Variants in PRKN observed in about 807,000 individuals in gnomAD.
The protein encoded by PRKN is parkin RBR E3 ubiquitin protein ligase.
Under a neutral mutation model 59.5 loss-of-function variants are expected in PRKN, and 56 were observed. That is an observed-to-expected ratio of 0.94 (90% CI 0.76 to 1.18). The LOEUF is 1.18. Ranked by LOEUF, PRKN falls within the 50% of genes most tolerant of loss-of-function variation. The pLI is 0.00. For synonymous variants in PRKN, 250 were observed against 222.1 expected, an observed-to-expected ratio of 1.13 and a Z score of -1.12; for missense variants, 657 against 596.4, an observed-to-expected ratio of 1.10 and a Z score of -1.06.
At chr6:162,501,315 T>C (rs992769670) in intron 1 of PRKN, among the ~76,000 whole-genome samples, 1 of 151,840 alleles carries the variant, frequency 6.6e-6, no homozygotes, top group Admixed American at 6.6e-5. Flanking sequence ...GAAATCCATA[T>C]CTTTAAACTT....
At chr6:161,522,826 C>T (rs773770818) in intron 9 of PRKN, among the ~76,000 whole-genome samples, 77 of 152,184 alleles carry the variant, frequency 5.1e-4, no homozygotes, top group Non-Finnish European at 9.4e-4. Context: ...CTATCTCAAT[C>T]CCATCACAAA....
At chr6:162,011,484 T>TAA (rs1258826580) in intron 5 of PRKN, among the ~76,000 whole-genome samples, 1 of 15,820 alleles carries the variant, frequency 6.3e-5, no homozygotes, top group Non-Finnish European at 1.1e-4. Context: ...TAATATATTA[T>TAA]AATATATATA....
intron 2 of PRKN, among the ~76,000 whole-genome samples, chr6:162,303,498 G>A (rs933634784): frequency 2.7e-4 from 41 of 151,996 alleles, no homozygotes; most frequent in African/African-American, 9.7e-4. Context: ...TGAACTTCTT[G>A]TTCATAAATT....
intron 6 of PRKN, among the ~76,000 whole-genome samples, chr6:161,915,583 G>A (rs112441788): frequency 0.013 from 1,957 of 152,250 alleles, 42 homozygotes; most frequent in African/African-American, 0.043. Flanking sequence ...TCTGCTATGC[G>A]TGAGTGACAT....
intron 9 of PRKN, among the ~76,000 whole-genome samples, chr6:161,465,145 G>A (rs961268357): frequency 2.0e-5 from 3 of 152,294 alleles, no homozygotes; most frequent in Non-Finnish European, 2.9e-5. Flanking sequence ...CTTTCATACC[G>A]TCGAGACTGG....
At chr6:161,849,361 G>C (rs1022040959) in intron 6 of PRKN, among the ~76,000 whole-genome samples, 3 of 151,976 alleles carry the variant, frequency 2.0e-5, no homozygotes, top group African/African-American at 7.3e-5. Context: ...AATGTTTCCT[G>C]CTTATTTCTA....
intron 1 of PRKN, among the ~76,000 whole-genome samples, chr6:162,718,955 C>A (rs1445091692): frequency 1.3e-5 from 2 of 152,134 alleles, no homozygotes; most frequent in African/African-American, 4.8e-5. Flanking sequence ...CACACATACA[C>A]ACACACACAC....
At chr6:161,959,262 T>G (rs908008485) in intron 6 of PRKN, among the ~76,000 whole-genome samples, 3 of 152,162 alleles carry the variant, frequency 2.0e-5, no homozygotes, top group African/African-American at 7.2e-5. Context: ...TGGCCTCTGC[T>G]GTCAGCATCG....
At chr6:162,242,680 C>T (rs1779030577) in intron 3 of PRKN, among the ~76,000 whole-genome samples, 1 of 152,128 alleles carries the variant, frequency 6.6e-6, no homozygotes, top group South Asian at 2.1e-4. Context: ...GGCAGTGAAA[C>T]AACTTTGAGG....
At chr6:162,646,480 C>A (rs559527305) in intron 1 of PRKN, among the ~76,000 whole-genome samples, 2 of 151,854 alleles carry the variant, frequency 1.3e-5, no homozygotes, top group South Asian at 2.1e-4. Context: ...ATGCAGGTCT[C>A]GATATGTTGC....
At chr6:162,196,653 G>A (rs756630377) in intron 4 of PRKN, among the ~76,000 whole-genome samples, 2 of 152,138 alleles carry the variant, frequency 1.3e-5, no homozygotes, top group Non-Finnish European at 2.9e-5. Context: ...ATTTGAGTCC[G>A]GGTTGGTTCT....
At chr6:161,883,629 A>AT (rs1795024955) in intron 6 of PRKN, among the ~76,000 whole-genome samples, 1 of 151,962 alleles carries the variant, frequency 6.6e-6, no homozygotes, top group Non-Finnish European at 1.5e-5. Flanking sequence ...TCATAAAATG[A>AT]TTTTTTATTA....
chr6:162,192,781 C>T (rs948483309), intron 4 of PRKN, among the ~76,000 whole-genome samples: 11 of 152,092 alleles, frequency 7.2e-5, no homozygotes, highest in Non-Finnish European at 1.5e-4. Context: ...CTTTTAACTT[C>T]CTGCCCACAA....
At chr6:161,531,107 C>A (rs888553777) in intron 9 of PRKN, among the ~76,000 whole-genome samples, 12 of 152,038 alleles carry the variant, frequency 7.9e-5, no homozygotes, top group African/African-American at 2.7e-4. Flanking sequence ...CAAGGCCGGG[C>A]GCGGTGGCTC....
chr6:161,392,066 T>G (rs1353189909), intron 9 of PRKN, among the ~76,000 whole-genome samples: 1 of 151,982 alleles, frequency 6.6e-6, no homozygotes, highest in East Asian at 2.0e-4. Flanking sequence ...GCTGGTCTGG[T>G]CTCTCTGGTG....
intron 9 of PRKN, among the ~76,000 whole-genome samples, chr6:161,512,061 C>T (rs1468972295): frequency 6.6e-6 from 1 of 152,154 alleles, no homozygotes; most frequent in Non-Finnish European, 1.5e-5. Context: ...GCCAAAGTGA[C>T]AAAAATTATA....
At chr6:161,674,466 C>T (rs1373044265) in intron 7 of PRKN, among the ~76,000 whole-genome samples, 8 of 152,074 alleles carry the variant, frequency 5.3e-5, no homozygotes, top group Admixed American at 5.2e-4. Flanking sequence ...ATTATGTTTC[C>T]TTTATTTTAA....
rs766949960 is a variant in PRKN, at chr6:161,352,755, G to GTGTGTATATATATATATA, written c.1286-2545_1286-2544insTATATATATATATACACA. Among the ~76,000 whole-genome samples the GTGTGTATATATATATATA allele has an allele frequency of 1.8e-3, 242 of 134,336 alleles. 1 individual carries two copies. The highest frequency in any genetic ancestry group is 6.5e-3 in the African/African-American group (232 of 35,746). The allele number at this position is 134,336 out of a possible 152,430, so 88.1% of individuals were successfully genotyped here. Reference sequence around the variant, plus strand: ...TGTGTGTGTGTGTGTGTGTGTGTGTGTATATATATATATATATTTTATTTT... The same window carrying GTGTGTATATATATATATA: ...TGTGTGTGTGTGTGTGTGTGTGTGTGTGTGTATATATATATATATATATATATATATATATTTTATTTT... On this transcript the variant is annotated intron_variant, in intron 11 of 11. Transcript: ENST00000366898. The surrounding 1 kb of genome is among the most constrained non-coding windows in gnomAD (Gnocchi z 5.8).
intron 1 of PRKN, among the ~76,000 whole-genome samples, chr6:162,488,499 G>C (rs933533973): frequency 6.6e-6 from 1 of 152,140 alleles, no homozygotes; most frequent in Non-Finnish European, 1.5e-5. Flanking sequence ...CAGAGCTCAG[G>C]CTGAATAGCA....
Sources: gnomAD v4.1 joint callset for allele counts (sites outside exome capture counted in the v4.1 genomes callset) on GRCh38, gnomAD v4.1.1 for gene constraint, Gnocchi (gnomAD v3.1) non-coding constraint, MANE v1.5 for transcripts, NCBI Gene and HGNC (gene_info 2026-07-23, HGNC 2026-07-21) for gene names.